LINGO3: variants seen among roughly 807,000 people sequenced by gnomAD.
The protein encoded by LINGO3 is leucine rich repeat and Ig domain containing 3.
For missense variants in LINGO3, 750 were observed against 867.7 expected (o/e 0.86, Z 1.70); for synonymous variants, 427 against 444.2 (o/e 0.96, Z 0.49).
At position 2,290,391 on chromosome 19, in the gene LINGO3, C is replaced by G; in HGVS notation, c.1386G>C (p.Gly462=). Residue 462 remains glycine (G), a synonymous_variant, in exon 1 of 1, where the codon GGG becomes GGC. Coordinates refer to ENST00000585527, the Ensembl canonical transcript of LINGO3. The surrounding 1 kb of genome is among the most constrained non-coding windows in gnomAD (Gnocchi z 6.0). Reference sequence around the variant, plus strand: ...GCGCGTCCTGGATCTCCAGCGTCCCCCCGGGGAGCACGCGCGCCCGGCCCG... The same window carrying G: ...GCGCGTCCTGGATCTCCAGCGTCCCGCCGGGGAGCACGCGCGCCCGGCCCG... The G allele has an allele frequency of 1.4e-6, 2 of 1,456,950 alleles. No individual in the cohort carries two copies. The highest frequency in any genetic ancestry group is 2.9e-5 in the East Asian group (1 of 33,928). The allele number at this position is 1,456,950 out of a possible 1,614,324, so 90.3% of individuals were successfully genotyped here. A position where few individuals can be genotyped will look rare whatever the true frequency, so the allele number is the denominator to read the frequency against.
At position 2,290,683 on chromosome 19, in the gene LINGO3, T is replaced by C. The variant is rs1419613377; in HGVS notation, c.1094A>G (p.Gln365Arg). Residue 365 changes from glutamine (Q) to arginine (R), a missense_variant, in exon 1 of 1, where the codon CAG becomes CGG. By Grantham distance (43) the Gln-to-Arg change is conservative. Transcript: ENST00000585527. The surrounding 1 kb of genome is among the most constrained non-coding windows in gnomAD (Gnocchi z 6.0). ...GTCGAAGTTGAGGGTCTTGCGACGC[T>C]GCACGATCCACAGCAGGCGACAGTC... 2 of 1,609,984 alleles carry C rather than the reference T, an allele frequency of 1.2e-6. No individual in the cohort carries two copies.
At chr19:2,297,991 C>G in the LINGO3 span, among the ~76,000 whole-genome samples, 1 of 149,922 alleles carries the variant, frequency 6.7e-6, no homozygotes, top group African/African-American at 2.5e-5. Flanking sequence ...CAGCTTCAAG[C>G]GATTCTCCTG....
rs753078425 is a variant in LINGO3 at position 2,290,222 on chromosome 19, G to A, written c.1555C>T (p.Arg519Cys). 1.9e-6 allele frequency: 3 copies of A among 1,606,296 alleles called. No individual in the cohort carries two copies. The African/African-American group carries it at 4.0e-5, about 22-fold the overall frequency. ...ATGGTGGTGAGGTCGAGCGGCGCGC[G>A]CAGGGCCGCCAGCGTCTCGTTGTGG... Residue 519 changes from arginine to cysteine, a missense_variant, in exon 1 of 1, where the codon CGC (arginine) becomes TGC (cysteine). Arg to Cys is a radical substitution (Grantham distance 180). Transcript: ENST00000585527. The surrounding 1 kb of genome is among the most constrained non-coding windows in gnomAD (Gnocchi z 6.0).
the LINGO3 span, among the ~76,000 whole-genome samples, chr19:2,297,286 T>A: frequency 1.4e-5 from 2 of 142,858 alleles, no homozygotes; most frequent in East Asian, 2.1e-4. Context: ...GACCCGGGCA[T>A]GCACCCTCCC....
At chr19:2,301,788 C>T in the LINGO3 span, among the ~76,000 whole-genome samples, 3 of 151,678 alleles carry the variant, frequency 2.0e-5, no homozygotes, top group Non-Finnish European at 2.9e-5. Context: ...ATTAGCCGGG[C>T]ATGGTGGCGG....
exon 1 of LINGO3, chr19:2,289,983 C>G: frequency 6.7e-7 from 1 of 1,500,334 alleles, no homozygotes; most frequent in Non-Finnish European, 8.9e-7. Flanking sequence ...GGGGAGGGTC[C>G]GCCCTGGGGA....
At chr19:2,296,142 C>T (rs2025569412), upstream of LINGO3, among the ~76,000 whole-genome samples, 1 of 152,230 alleles carries the variant, frequency 6.6e-6, no homozygotes, top group Admixed American at 6.5e-5. Context: ...AGCTGCTGCC[C>T]TGCCGACAGC....
upstream of LINGO3, among the ~76,000 whole-genome samples, chr19:2,296,786 T>A (rs1446418057): frequency 6.7e-6 from 1 of 149,976 alleles, no homozygotes; most frequent in Non-Finnish European, 1.5e-5. Flanking sequence ...TGCAAGACCC[T>A]GTTTTTAAAA....
the LINGO3 span, among the ~76,000 whole-genome samples, chr19:2,307,856 G>A: frequency 6.6e-6 from 1 of 152,294 alleles, no homozygotes; most frequent in East Asian, 1.9e-4. Flanking sequence ...AGGAGGGGCG[G>A]GGGGCCCCAG....
At chr19:2,305,287 G>A in the LINGO3 span, among the ~76,000 whole-genome samples, 1 of 151,950 alleles carries the variant, frequency 6.6e-6, no homozygotes, top group Non-Finnish European at 1.5e-5. Flanking sequence ...CCCCAAAACT[G>A]TCCCCCACAG....
chr19:2,308,142 A>AGCAGCCGCC, the LINGO3 span, among the ~76,000 whole-genome samples: 6 of 139,692 alleles, frequency 4.3e-5, no homozygotes, highest in Non-Finnish European at 7.9e-5. Flanking sequence ...CGACACGAGC[A>AGCAGCCGCC]GCCGCCGCCG....
At chr19:2,306,443 G>A in the LINGO3 span, among the ~76,000 whole-genome samples, 9 of 152,178 alleles carry the variant, frequency 5.9e-5, no homozygotes, top group Non-Finnish European at 1.3e-4. Flanking sequence ...CTCAGGGGGC[G>A]CCGGGGAATG....
the LINGO3 span, among the ~76,000 whole-genome samples, chr19:2,303,464 G>A: frequency 5.3e-5 from 8 of 152,046 alleles, no homozygotes; most frequent in Non-Finnish European, 1.0e-4. Flanking sequence ...GTACAGCTAA[G>A]CGAGGGGCGA....
chr19:2,306,661 G>A, the LINGO3 span, among the ~76,000 whole-genome samples: 8 of 152,234 alleles, frequency 5.3e-5, no homozygotes, highest in South Asian at 1.7e-3. Context: ...CCCATGTGGG[G>A]TGGATCTGAG....
At chr19:2,300,580 A>G in the LINGO3 span, among the ~76,000 whole-genome samples, 3 of 151,700 alleles carry the variant, frequency 2.0e-5, no homozygotes, top group African/African-American at 7.3e-5. Flanking sequence ...ACCCAGCCCC[A>G]TCCCTGACCT....
At chr19:2,295,533 G>C (rs188818482), upstream of LINGO3, among the ~76,000 whole-genome samples, 1 of 152,236 alleles carries the variant, frequency 6.6e-6, no homozygotes, top group Admixed American at 6.5e-5. Context: ...TCAGGAGTTC[G>C]AGAGCAGCCT....
At chr19:2,291,469 C>T (rs1022186992) in exon 1 of LINGO3, 12 of 1,612,852 alleles carry the variant, frequency 7.4e-6, no homozygotes, top group Non-Finnish European at 1.0e-5. Flanking sequence ...GACGCGCAGG[C>T]GCGGCAGGTT....
At chr19:2,301,013 C>G in the LINGO3 span, among the ~76,000 whole-genome samples, 1 of 151,740 alleles carries the variant, frequency 6.6e-6, no homozygotes, top group African/African-American at 2.4e-5. Context: ...CCAAATGTCC[C>G]CTGGGAGCAG....
the LINGO3 span, among the ~76,000 whole-genome samples, chr19:2,302,492 T>A: frequency 3.9e-5 from 6 of 152,342 alleles, no homozygotes; most frequent in African/African-American, 1.4e-4. Context: ...TCCTCGGCTC[T>A]GCGCCCCGCC....
Sources: gnomAD v4.1 joint callset for allele counts (sites outside exome capture counted in the v4.1 genomes callset) on GRCh38, gnomAD v4.1.1 for gene constraint, Gnocchi (gnomAD v3.1) non-coding constraint, MANE v1.5 for transcripts, NCBI Gene and HGNC (gene_info 2026-07-23, HGNC 2026-07-21) for gene names.